STIM2: variants seen among roughly 807,000 people sequenced by gnomAD.
The protein encoded by STIM2 is stromal interaction molecule 2.
Under a neutral mutation model 85.8 loss-of-function variants are expected in STIM2, and 31 were observed. That is an observed-to-expected ratio of 0.36 (90% CI 0.27 to 0.49). The LOEUF is 0.49. Among genes scored for constraint, STIM2 ranks in the 20% least tolerant of loss-of-function variants. The pLI, the probability that STIM2 is intolerant of heterozygous loss-of-function variation, is 0.98. For synonymous variants in STIM2, 356 were observed against 331.1 expected, an observed-to-expected ratio of 1.08 and a Z score of -0.82; for missense variants, 841 against 927.6, an observed-to-expected ratio of 0.91 and a Z score of 1.21.
intron 1 of STIM2, among the ~76,000 whole-genome samples, chr4:26,914,484 CA>C (rs1477954266): frequency 1.3e-5 from 2 of 152,150 alleles, no homozygotes; most frequent in African/African-American, 4.8e-5. Flanking sequence ...TTAGTTTTGT[CA>C]CCATTGTTTA....
intron 1 of STIM2, among the ~76,000 whole-genome samples, chr4:26,896,611 G>A (rs985581590): frequency 2.6e-5 from 4 of 152,064 alleles, no homozygotes; most frequent in African/African-American, 7.2e-5. Context: ...TTGTAATATT[G>A]AATCTTCCAA....
At chr4:26,933,779 A>T (rs1486556864) in intron 2 of STIM2, among the ~76,000 whole-genome samples, 2 of 151,264 alleles carry the variant, frequency 1.3e-5, no homozygotes, top group Admixed American at 1.3e-4. Context: ...GTTTTTGAGT[A>T]TGTGCTTCCT....
chr4:27,020,588 A>ATTTT (rs1728876999), intron 11 of STIM2, among the ~76,000 whole-genome samples: 1 of 152,234 alleles, frequency 6.6e-6, no homozygotes, highest in Admixed American at 6.5e-5. Flanking sequence ...ATATGTGAGT[A>ATTTT]AAGTACATAG....
chr4:27,001,585 G>A (rs1015135136), intron 5 of STIM2, among the ~76,000 whole-genome samples: 16 of 152,230 alleles, frequency 1.1e-4, no homozygotes, highest in African/African-American at 2.9e-4. Flanking sequence ...GTTGTCTTGC[G>A]CACTGTAGGG....
In STIM2 at chr4:27,002,362, T is replaced by C. The variant is rs1436496954; in HGVS notation, c.771T>C (p.Thr257=). 1.9e-6 allele frequency: 3 copies of C among 1,612,070 alleles called. No homozygotes were observed. Among genetic ancestry groups the C allele is most frequent in the African/African-American group, 2.7e-5 (2 of 74,744 alleles). The change falls in exon 6 of 12, where the codon ACT becomes ACC. Residue 257 remains threonine, a synonymous_variant. Coordinates refer to ENST00000467087, the MANE Select transcript of STIM2 (RefSeq NM_020860.4). ...TGAAAGATTTAGAGAGCTTACAAAC[T>C]GCAGAGCAAAGTCTAATGGACTTAC...
intron 7 of STIM2, 70 bp from the exon 8 acceptor site, chr4:27,007,463 T>G: frequency 2.7e-6 from 3 of 1,102,680 alleles, no homozygotes; most frequent in Non-Finnish European, 3.7e-6. Flanking sequence ...TTAGTTTGGG[T>G]TCTAAAAAAT....
chr4:26,954,965 T>C (rs1255787870), intron 2 of STIM2, among the ~76,000 whole-genome samples: 1 of 147,096 alleles, frequency 6.8e-6, no homozygotes, highest in Non-Finnish European at 1.5e-5. Flanking sequence ...TTATTCAATT[T>C]TCACCCAACT....
At chr4:26,980,680 A>T (rs1460284122) in intron 3 of STIM2, among the ~76,000 whole-genome samples, 1 of 152,196 alleles carries the variant, frequency 6.6e-6, no homozygotes, top group Non-Finnish European at 1.5e-5. Flanking sequence ...TGTTTTAGGA[A>T]TTTAAACTAA....
At chr4:26,942,715 A>G (rs1725658805) in intron 2 of STIM2, among the ~76,000 whole-genome samples, 1 of 152,022 alleles carries the variant, frequency 6.6e-6, no homozygotes, top group Admixed American at 6.6e-5. Flanking sequence ...TGCCATCCTT[A>G]TTTTATTTCT....
chr4:26,919,354 T>C (rs987344734), intron 1 of STIM2, 150 bp from the exon 2 acceptor site: 2 of 933,696 alleles, frequency 2.1e-6, no homozygotes, highest in Admixed American at 2.7e-5. Context: ...ATACTTTTGA[T>C]GTGAAGAATA....
intron 2 of STIM2, among the ~76,000 whole-genome samples, chr4:26,935,744 G>A (rs1277160301): frequency 6.6e-6 from 1 of 152,104 alleles, no homozygotes; most frequent in Non-Finnish European, 1.5e-5. Flanking sequence ...GACCTTTTAT[G>A]AGTAGACAGT....
intron 11 of STIM2, among the ~76,000 whole-genome samples, chr4:27,019,079 G>T (rs1345636297): frequency 2.0e-5 from 3 of 152,172 alleles, no homozygotes; most frequent in Admixed American, 2.0e-4. Context: ...CTCTTTAAAA[G>T]CAGTATGGTA....
At chr4:26,951,885 A>AT (rs1390246199) in intron 2 of STIM2, among the ~76,000 whole-genome samples, 3 of 152,146 alleles carry the variant, frequency 2.0e-5, no homozygotes, top group South Asian at 2.1e-4. Flanking sequence ...TCAAGTGGGT[A>AT]TTTAGGTATG....
At chr4:26,879,036 G>A (rs1007483664) in intron 1 of STIM2, among the ~76,000 whole-genome samples, 8 of 152,054 alleles carry the variant, frequency 5.3e-5, no homozygotes, top group African/African-American at 1.7e-4. Context: ...AACTTTTGAC[G>A]TTATTTTAAT....
intron 1 of STIM2, among the ~76,000 whole-genome samples, chr4:26,882,494 G>A (rs1231139148): frequency 6.6e-6 from 1 of 150,798 alleles, no homozygotes; most frequent in Admixed American, 6.6e-5. Flanking sequence ...GTCTGGCTCT[G>A]TCACTCAGGC....
chr4:27,011,402 C>T (rs1728552237), intron 10 of STIM2, among the ~76,000 whole-genome samples: 1 of 152,132 alleles, frequency 6.6e-6, no homozygotes, highest in South Asian at 2.1e-4. Flanking sequence ...CTACTTTCTA[C>T]TTTCTTGGCC....
At chr4:26,866,544 G>A (rs1009302017) in intron 1 of STIM2, among the ~76,000 whole-genome samples, 2 of 152,148 alleles carry the variant, frequency 1.3e-5, no homozygotes, top group Non-Finnish European at 2.9e-5. Context: ...TTTCTGGGAG[G>A]AGGCATATGC....
At position 26,861,000 on chromosome 4, in the gene STIM2, G is replaced by C; in HGVS notation, c.-219G>C. 1.5e-6 allele frequency: 2 copies of C among 1,293,132 alleles called. No homozygotes were observed. The highest frequency in any genetic ancestry group is 2.0e-6 in the Non-Finnish European group (2 of 1,010,390). The allele number at this position is 1,293,132 out of a possible 1,614,324, so 80.1% of individuals were successfully genotyped here. ...CAGAGCTCCGGAGGCCGCCGGTGCC[G>C]ATGGGACCAGGCTGGCGCCCGGCGG... On this transcript the variant is annotated 5_prime_UTR_variant, in exon 1 of 12. Transcript: ENST00000467087.
At chr4:27,017,563 A>T in intron 10 of STIM2, 148 bp from the exon 11 acceptor site, 1 of 1,002,832 alleles carries the variant, frequency 1.0e-6, no homozygotes, top group Non-Finnish European at 1.5e-6. Flanking sequence ...GGTAGTAGAG[A>T]ATGGTAATAA....
Sources: allele counts gnomAD v4.1 joint callset (sites outside exome capture counted in the v4.1 genomes callset), GRCh38; gene constraint gnomAD v4.1.1; transcripts MANE v1.5; gene names NCBI Gene and HGNC (gene_info 2026-07-23, HGNC 2026-07-21).